SIK3: variants seen among roughly 807,000 people sequenced by gnomAD.
SIK3 encodes SIK family kinase 3, also known as serine/threonine-protein kinase SIK3.
Under a neutral mutation model 144.2 loss-of-function variants are expected in SIK3, and 28 were observed. That is an observed-to-expected ratio of 0.19 (90% CI 0.14 to 0.27). The LOEUF (loss-of-function observed/expected upper bound fraction) is 0.27. Among genes scored for constraint, SIK3 ranks in the 10% least tolerant of loss-of-function variants. SIK3 has a pLI of 1.00. For missense variants in SIK3, 1,319 were observed against 1,776.0 expected, an observed-to-expected ratio of 0.74 and a Z score of 4.62; for synonymous variants, 686 against 676.3, an observed-to-expected ratio of 1.01 and a Z score of -0.22.
Position 116,927,205 on chromosome 11 carries a change from A to G in SIK3, c.616+14T>C, listed in dbSNP as rs1156353692. On this transcript the variant is annotated intron_variant, in intron 4 of 24. Transcript: ENST00000445177. ...TCCTTTGTCCCTATCTGACATCCTC[A>G]GTACAGTTCTCACCTGCTATTTTGA... is the stretch of plus-strand genomic sequence containing the variant. 6.2e-7 allele frequency: 1 copy of G among 1,608,732 alleles called. No individual in the cohort carries two copies.
intron 1 of SIK3, among the ~76,000 whole-genome samples, chr11:117,068,048 G>A (rs1026866702): frequency 1.3e-5 from 2 of 151,964 alleles, no homozygotes; most frequent in Non-Finnish European, 2.9e-5. Context: ...ATAACTTTTG[G>A]AACACTGTGG....
intron 6 of SIK3, among the ~76,000 whole-genome samples, chr11:116,887,179 C>A (rs991033513): frequency 3.5e-5 from 5 of 142,870 alleles, no homozygotes; most frequent in African/African-American, 1.3e-4. Flanking sequence ...CAGAGCCAGG[C>A]GGATTGCTTG....
intron 1 of SIK3, among the ~76,000 whole-genome samples, chr11:117,061,619 A>G (rs1953797916): frequency 6.6e-6 from 1 of 152,200 alleles, no homozygotes; most frequent in Non-Finnish European, 1.5e-5. Context: ...CTATGAACCC[A>G]TAAGTCAACA....
At chr11:117,031,547 GT>G (rs1003219520) in intron 1 of SIK3, among the ~76,000 whole-genome samples, 1 of 150,676 alleles carries the variant, frequency 6.6e-6, no homozygotes, top group Non-Finnish European at 1.5e-5. Context: ...TTGAGACAGA[GT>G]TTTGCTCTTG....
At position 117,097,506 on chromosome 11, in the gene SIK3, C is replaced by T. The variant is rs185199642; in HGVS notation, c.273+637G>A. The stretch of plus-strand genomic sequence containing the variant: ...AGCAAAGCAATTTCCCCCTTATTTC[C>T]CCATTTTCCTCATTGCCTCCTCCAC... On this transcript the variant is annotated intron_variant, in intron 1 of 24. Coordinates refer to ENST00000445177, the MANE Select transcript of SIK3 (RefSeq NM_001366686.3). Among the ~76,000 whole-genome samples, 4 of 150,716 alleles carry T rather than the reference C, an allele frequency of 2.7e-5. No individual in the cohort carries two copies. In the East Asian group the frequency reaches 7.9e-4, roughly 30 times the overall value.
chr11:116,855,127 G>A (rs1942800758), intron 21 of SIK3, among the ~76,000 whole-genome samples: 1 of 135,696 alleles, frequency 7.4e-6, no homozygotes, highest in East Asian at 2.1e-4. Flanking sequence ...TTTTTTCACA[G>A]TACAGCTGAA....
In SIK3 at chr11:116,965,734, AATATATATAT is replaced by A. The variant is rs58587995; in HGVS notation, c.274-8680_274-8671del. Among the ~76,000 whole-genome samples, 617 of 118,272 alleles carry A rather than the reference AATATATATAT, an allele frequency of 5.2e-3. 11 individuals are homozygous for A. Among genetic ancestry groups the A allele is most frequent in the Admixed American group, 0.02 (225 of 11,280 alleles). The allele number at this position is 118,272 out of a possible 152,430, so 77.6% of individuals were successfully genotyped here. A position where few individuals can be genotyped will look rare whatever the true frequency, so the allele number is the denominator to read the frequency against. On this transcript the variant is annotated intron_variant, in intron 1 of 24. Transcript: ENST00000445177. ...CATGGTGAAAACCCGTCTCTGCTAA[AATATATATAT>A]ATATATATATATATATATATATATA...
chr11:117,021,209 A>C (rs1451773725), intron 1 of SIK3, among the ~76,000 whole-genome samples: 1 of 152,240 alleles, frequency 6.6e-6, no homozygotes, highest in African/African-American at 2.4e-5. Flanking sequence ...ATCCACAGTC[A>C]TTCGAGCAGT....
intron 1 of SIK3, among the ~76,000 whole-genome samples, chr11:117,097,597 CTG>C (rs1382094152): frequency 1.3e-5 from 2 of 152,134 alleles, no homozygotes; most frequent in Admixed American, 1.3e-4. Context: ...ATGCGGATTC[CTG>C]TCTCTGTCTT....
intron 1 of SIK3, among the ~76,000 whole-genome samples, chr11:117,064,249 T>C (rs1953917538): frequency 6.6e-6 from 1 of 152,194 alleles, no homozygotes; most frequent in Non-Finnish European, 1.5e-5. Flanking sequence ...TTAGAGTGCC[T>C]GTATTATCTA....
chr11:116,858,077 C>G lies in SIK3; in HGVS notation c.3388G>C (p.Gly1130Arg). 4 of 1,613,686 alleles carry G rather than the reference C, an allele frequency of 2.5e-6. No homozygotes were observed. The highest frequency in any genetic ancestry group is 3.4e-6 in the Non-Finnish European group (4 of 1,179,778). ...SQASSPTPPHGYAHQPALMHS... is the reference protein window; with the variant it reads ...SQASSPTPPHRYAHQPALMHS... ...ATCAGTGCCGGCTGGTGAGCATACC[C>G]GTGGGGCGGGGTGGGTGAGGAAGCC... is the stretch of plus-strand genomic sequence containing the variant. Residue 1130 changes from glycine to arginine, a missense_variant, in exon 21 of 25, where the codon GGG (glycine) becomes CGG (arginine). Coordinates refer to ENST00000445177, the MANE Select transcript of SIK3 (RefSeq NM_001366686.3). This position sits in a 1 kb window ranked among gnomAD's most constrained non-coding sequence, Gnocchi z 5.4.
intron 4 of SIK3, among the ~76,000 whole-genome samples, chr11:116,922,617 T>C (rs2135085294): frequency 6.6e-6 from 1 of 152,284 alleles, no homozygotes; most frequent in Non-Finnish European, 1.5e-5. Context: ...TGAGATTCTG[T>C]CTCTACAAAA....
chr11:116,969,741 A>G (rs549395229), intron 1 of SIK3, among the ~76,000 whole-genome samples: 1 of 152,332 alleles, frequency 6.6e-6, no homozygotes, highest in South Asian at 2.1e-4. Flanking sequence ...AAAATCACAC[A>G]TAAACCCTAA....
At chr11:116,978,472 T>A (rs1950030210) in intron 1 of SIK3, among the ~76,000 whole-genome samples, 1 of 152,176 alleles carries the variant, frequency 6.6e-6, no homozygotes, top group African/African-American at 2.4e-5. Context: ...TTGTTTAGAT[T>A]TGCCTGCATC....
At chr11:116,942,702 G>A (rs1043970677) in intron 3 of SIK3, among the ~76,000 whole-genome samples, 1 of 152,154 alleles carries the variant, frequency 6.6e-6, no homozygotes, top group African/African-American at 2.4e-5. Flanking sequence ...GGAATATATG[G>A]TCTTAAAGCG....
intron 1 of SIK3, among the ~76,000 whole-genome samples, chr11:117,058,282 C>A (rs779915872): frequency 9.2e-5 from 14 of 152,020 alleles, no homozygotes; most frequent in Non-Finnish European, 1.5e-4. Context: ...AGCACTTTGG[C>A]AGGCTGAGGC....
intron 1 of SIK3, among the ~76,000 whole-genome samples, chr11:117,051,797 G>A (rs1303948634): frequency 6.6e-6 from 1 of 151,860 alleles, no homozygotes; most frequent in Non-Finnish European, 1.5e-5. Flanking sequence ...CCAAAACGCT[G>A]GGATTACAGG....
intron 4 of SIK3, among the ~76,000 whole-genome samples, chr11:116,900,756 C>A (rs1945690507): frequency 6.6e-6 from 1 of 152,178 alleles, no homozygotes; most frequent in South Asian, 2.1e-4. Context: ...CTGATTTCCA[C>A]CAGAAAACAC....
At chr11:116,922,292 CAA>C (rs966701485) in intron 4 of SIK3, among the ~76,000 whole-genome samples, 4 of 152,012 alleles carry the variant, frequency 2.6e-5, no homozygotes, top group Non-Finnish European at 5.9e-5. Flanking sequence ...TGGTTGAGGC[CAA>C]GAGTTTGAGA....
Sources: allele counts gnomAD v4.1 joint callset (sites outside exome capture counted in the v4.1 genomes callset), GRCh38; gene constraint gnomAD v4.1.1; non-coding constraint Gnocchi (gnomAD v3.1); transcripts MANE v1.5; gene names NCBI Gene and HGNC (gene_info 2026-07-23, HGNC 2026-07-21).